GRM8: variants seen among roughly 807,000 people sequenced by gnomAD.
The protein encoded by GRM8 is glutamate metabotropic receptor 8.
GRM8 carries 47 observed loss-of-function variants against 87.2 expected under a neutral mutation model. The observed-to-expected ratio is 0.54, with a 90% confidence interval of 0.43 to 0.69. The LOEUF (loss-of-function observed/expected upper bound fraction) is 0.69. Ranked by LOEUF, GRM8 falls within the 30% of genes least tolerant of loss-of-function variation. The pLI, the probability that GRM8 is intolerant of heterozygous loss-of-function variation, is 0.00. For synonymous variants in GRM8, 396 were observed against 404.5 expected (o/e 0.98, Z 0.25); for missense variants, 1,019 against 1,139.2 (o/e 0.89, Z 1.52).
At chr7:127,138,211 A>C (rs1303135115) in intron 2 of GRM8, among the ~76,000 whole-genome samples, 1 of 152,188 alleles carries the variant, frequency 6.6e-6, no homozygotes, top group Non-Finnish European at 1.5e-5. Context: ...TCCAAACAAG[A>C]AAATCATGTA....
At chr7:126,751,426 G>A (rs921064545) in intron 7 of GRM8, among the ~76,000 whole-genome samples, 6 of 125,762 alleles carry the variant, frequency 4.8e-5, no homozygotes, top group African/African-American at 1.5e-4. Context: ...GTGTGTGTTT[G>A]CCTTGTGCAT....
At position 126,521,342 on chromosome 7, in the gene GRM8, A is replaced by C. The variant is rs193035151; in HGVS notation, c.2430+11610T>G. On this transcript the variant is annotated intron_variant, in intron 9 of 10. Coordinates refer to ENST00000339582, the MANE Select transcript of GRM8 (RefSeq NM_000845.3). ...GAACAAATAACATAGAGAGTCTAAA[A>C]TTCCAAGTGAAAACATTCAACTGAT... 9.3e-4 allele frequency among the ~76,000 whole-genome samples: 141 copies of C among 152,262 alleles called. 1 individual carries two copies. In the East Asian group the frequency reaches 0.017, roughly 18 times the overall value.
chr7:126,860,487 T>C (rs1483914495), intron 6 of GRM8, among the ~76,000 whole-genome samples: 1 of 152,170 alleles, frequency 6.6e-6, no homozygotes, highest in African/African-American at 2.4e-5. Context: ...GATGATTGCC[T>C]CTACTAAGAT....
At chr7:126,903,467 G>A (rs1425552116) in intron 5 of GRM8, among the ~76,000 whole-genome samples, 1 of 150,406 alleles carries the variant, frequency 6.6e-6, no homozygotes, top group Non-Finnish European at 1.5e-5. Flanking sequence ...ATGGAAATAC[G>A]CAAACTCAAA....
intron 6 of GRM8, among the ~76,000 whole-genome samples, chr7:126,791,993 T>G (rs1288995008): frequency 6.6e-6 from 1 of 152,234 alleles, no homozygotes; most frequent in Middle Eastern, 3.4e-3. Context: ...TTTGGAAACA[T>G]CCTTTCAATG....
chr7:126,989,342 T>C (rs1212348595), intron 3 of GRM8, among the ~76,000 whole-genome samples: 2 of 152,246 alleles, frequency 1.3e-5, no homozygotes, highest in Non-Finnish European at 2.9e-5. Context: ...ATTATTAAGT[T>C]AAAGGTTAAC....
chr7:126,626,146 C>G (rs1240004308), intron 7 of GRM8, among the ~76,000 whole-genome samples: 1 of 128,820 alleles, frequency 7.8e-6, no homozygotes. Context: ...ATGGTCCAAC[C>G]TTTTCAAATT....
intron 3 of GRM8, among the ~76,000 whole-genome samples, chr7:126,923,687 G>A (rs1424617197): frequency 6.6e-6 from 1 of 152,162 alleles, no homozygotes; most frequent in Non-Finnish European, 1.5e-5. Context: ...TACCTTGGCA[G>A]AGTTTAGTGT....
intron 3 of GRM8, among the ~76,000 whole-genome samples, chr7:126,913,338 C>T (rs1563310931): frequency 6.6e-6 from 1 of 152,166 alleles, no homozygotes; most frequent in African/African-American, 2.4e-5. Context: ...ACACGACAGA[C>T]CTTGGTTTTG....
At chr7:126,836,391 T>C (rs1338495209) in intron 6 of GRM8, among the ~76,000 whole-genome samples, 2 of 152,226 alleles carry the variant, frequency 1.3e-5, no homozygotes, top group Non-Finnish European at 2.9e-5. Context: ...TGCAGCTGAA[T>C]ACCTGGTTCA....
chr7:126,513,076 C>A (rs965173011), intron 9 of GRM8, among the ~76,000 whole-genome samples: 1 of 151,984 alleles, frequency 6.6e-6, no homozygotes, highest in African/African-American at 2.4e-5. Context: ...TTTCTGGATA[C>A]CTGTATGTTT....
chr7:126,584,697 G>A (rs1795930056), intron 8 of GRM8, among the ~76,000 whole-genome samples: 1 of 152,104 alleles, frequency 6.6e-6, no homozygotes, highest in South Asian at 2.1e-4. Context: ...ATCAAAAAGT[G>A]CTTTTCAAAC....
chr7:126,738,085 A>G (rs1814443353), intron 7 of GRM8, among the ~76,000 whole-genome samples: 1 of 152,144 alleles, frequency 6.6e-6, no homozygotes, highest in Admixed American at 6.6e-5. Context: ...CATATGTGCT[A>G]TCATAAAGGT....
At chr7:127,223,431 ACACACACACACG>A (rs1209507954) in intron 2 of GRM8, among the ~76,000 whole-genome samples, 20 of 91,854 alleles carry the variant, frequency 2.2e-4, no homozygotes, top group East Asian at 2.1e-4. Flanking sequence ...GAAACACACC[ACACACACACACG>A]CACACACACA....
At chr7:127,032,204 C>T (rs1439662294) in intron 3 of GRM8, among the ~76,000 whole-genome samples, 3 of 152,112 alleles carry the variant, frequency 2.0e-5, no homozygotes. Context: ...ACAGTTTGTT[C>T]TCTTTGTGAG....
At position 126,751,046 on chromosome 7, in the gene GRM8, T is replaced by C. The variant is rs541569682; in HGVS notation, c.1357+18819A>G. Among the ~76,000 whole-genome samples, 3 of 135,130 alleles carry C rather than the reference T, an allele frequency of 2.2e-5. No individual in the cohort carries two copies. The South Asian group carries it at 7.0e-4, about 32-fold the overall frequency. 88.7% of individuals were successfully genotyped at this position (135,130 alleles called of 152,430 possible). ...GGATAAAAATTATCCCTACTTTATATTATTTTGAGGATTAAATAATATAGA... is the reference window on the plus strand; with the variant it reads ...GGATAAAAATTATCCCTACTTTATACTATTTTGAGGATTAAATAATATAGA... On this transcript the variant is annotated intron_variant, in intron 7 of 10. Transcript: ENST00000339582.
intron 6 of GRM8, among the ~76,000 whole-genome samples, chr7:126,804,290 C>T (rs542491656): frequency 2.4e-4 from 36 of 152,332 alleles, no homozygotes; most frequent in Non-Finnish European, 4.0e-4. Context: ...CACTTCTTTT[C>T]GTTATCTTTC....
At chr7:127,214,500 A>T (rs1252879082) in intron 2 of GRM8, among the ~76,000 whole-genome samples, 1 of 152,228 alleles carries the variant, frequency 6.6e-6, no homozygotes, top group Non-Finnish European at 1.5e-5. Flanking sequence ...ATTTATAAAG[A>T]AAAGAGGTTT....
At chr7:126,936,276 G>A (rs567551402) in intron 3 of GRM8, among the ~76,000 whole-genome samples, 14 of 152,058 alleles carry the variant, frequency 9.2e-5, no homozygotes, top group Non-Finnish European at 1.6e-4. Context: ...AAGAACACAG[G>A]GAAAGAGCTG....
Sources: allele counts gnomAD v4.1 joint callset (sites outside exome capture counted in the v4.1 genomes callset), GRCh38; gene constraint gnomAD v4.1.1; transcripts MANE v1.5; gene names NCBI Gene and HGNC (gene_info 2026-07-23, HGNC 2026-07-21).